PFKFB3: variants seen among roughly 807,000 people sequenced by gnomAD.
The protein encoded by PFKFB3 is 6-phosphofructo-2-kinase/fructose-2,6-bisphosphatase 3.
A neutral mutation model predicts 68.0 loss-of-function variants in PFKFB3; 33 were observed. That is an observed-to-expected ratio of 0.49 (90% CI 0.37 to 0.65). The LOEUF (loss-of-function observed/expected upper bound fraction) is 0.65, where lower values mean the gene tolerates loss of function less well. PFKFB3 is among the 30% of genes least tolerant of loss of function. The pLI is 0.00. For synonymous variants in PFKFB3, 315 were observed against 288.2 expected (o/e 1.09, Z -0.94); for missense variants, 586 against 712.2 (o/e 0.82, Z 2.02).
chr10:6,194,680 A>G (rs1843126995), intron 1 of PFKFB3, among the ~76,000 whole-genome samples: 1 of 151,926 alleles, frequency 6.6e-6, no homozygotes, highest in Admixed American at 6.6e-5. Context: ...GGATCCCAGG[A>G]CTCTTCAACA....
the PFKFB3 span, among the ~76,000 whole-genome samples, chr10:6,273,390 G>A: frequency 2.6e-5 from 4 of 152,072 alleles, no homozygotes; most frequent in South Asian, 2.1e-4. Flanking sequence ...TCCCGAGAAC[G>A]CCTGCTCTTT....
At chr10:6,309,816 G>A in the PFKFB3 span, among the ~76,000 whole-genome samples, 2 of 152,046 alleles carry the variant, frequency 1.3e-5, no homozygotes, top group East Asian at 1.9e-4. Flanking sequence ...TGCAGAGACC[G>A]GGTGATGGGT....
chr10:6,314,058 C>A, the PFKFB3 span, among the ~76,000 whole-genome samples: 2 of 152,326 alleles, frequency 1.3e-5, no homozygotes, highest in East Asian at 3.9e-4. Flanking sequence ...GACATCAAAG[C>A]AAGGGCAGTC....
chr10:6,226,409 G>T (rs367836321), intron 14 of PFKFB3, 44 bp downstream of exon 14: 1 of 1,548,538 alleles, frequency 6.5e-7, no homozygotes, highest in African/African-American at 1.4e-5. Context: ...GACGCATGCC[G>T]GGCGTGATGC....
the PFKFB3 span, among the ~76,000 whole-genome samples, chr10:6,265,374 C>G: frequency 6.6e-6 from 1 of 152,146 alleles, no homozygotes; most frequent in Non-Finnish European, 1.5e-5. Context: ...AGCCACCGCC[C>G]CTCACCTAAT....
At chr10:6,256,461 C>T (rs529909804), downstream of PFKFB3, among the ~76,000 whole-genome samples, 3 of 152,276 alleles carry the variant, frequency 2.0e-5, no homozygotes, top group East Asian at 5.8e-4. Context: ...TACATGGTCC[C>T]CAGCTGGTCC....
At chr10:6,210,103 G>A (rs977326047) in intron 1 of PFKFB3, among the ~76,000 whole-genome samples, 2 of 120,548 alleles carry the variant, frequency 1.7e-5, no homozygotes, top group African/African-American at 5.2e-5. Context: ...GTGATGAGGC[G>A]GGTGGGGGGT....
At chr10:6,163,801 C>G (rs1159607369) in intron 1 of PFKFB3, 1 of 151,756 alleles carries the variant, frequency 6.6e-6, no homozygotes, top group Non-Finnish European at 1.5e-5. Context: ...TGCGGCACGC[C>G]GCGTTCACGT....
chr10:6,326,423 G>A, the PFKFB3 span: 3 of 407,156 alleles, frequency 7.4e-6, no homozygotes, highest in Non-Finnish European at 1.5e-5. Context: ...TGCACATCCT[G>A]CACATGTACC....
At chr10:6,296,865 G>A in the PFKFB3 span, among the ~76,000 whole-genome samples, 3 of 152,096 alleles carry the variant, frequency 2.0e-5, no homozygotes, top group African/African-American at 4.8e-5. Flanking sequence ...ATCTTGTGCC[G>A]ACTTCCTATG....
chr10:6,295,101 G>A, the PFKFB3 span, among the ~76,000 whole-genome samples: 1 of 152,106 alleles, frequency 6.6e-6, no homozygotes, highest in African/African-American at 2.4e-5. Flanking sequence ...TGTGTTCACT[G>A]TTTGCTGTAG....
chr10:6,308,237 G>C, the PFKFB3 span, among the ~76,000 whole-genome samples: 1 of 152,234 alleles, frequency 6.6e-6, no homozygotes, highest in Non-Finnish European at 1.5e-5. Flanking sequence ...GGAAGGCCAG[G>C]TGCGGTGGCT....
At chr10:6,196,593 C>A (rs1482547284) in intron 1 of PFKFB3, among the ~76,000 whole-genome samples, 1 of 152,154 alleles carries the variant, frequency 6.6e-6, no homozygotes, top group South Asian at 2.1e-4. Flanking sequence ...AAGCATTCAG[C>A]ACAGGAGAAA....
In PFKFB3 at chr10:6,213,756, T is replaced by G. The variant is rs756906648; in HGVS notation, c.202+8T>G. The G allele has an allele frequency of 3.7e-6, 6 of 1,611,046 alleles. No homozygotes were observed. The highest frequency in any genetic ancestry group is 3.4e-6 in the Non-Finnish European group (4 of 1,178,776). ...TTGGCGTCCCCACAAAAGGTGAGAC[T>G]GGGTCTCGAGGCCGGACCCCTGCTC... On this transcript the variant is annotated splice_region_variant and intron_variant, in intron 2 of 14. Coordinates refer to ENST00000379775, the MANE Select transcript of PFKFB3 (RefSeq NM_004566.4).
At position 6,154,089 on chromosome 10, in the gene PFKFB3, G is replaced by A. The variant is rs551995603; in HGVS notation, c.16+9076G>A. On this transcript the variant is annotated intron_variant, in intron 1 of 14. Transcript: ENST00000379789. The surrounding 1 kb of genome is among the most constrained non-coding windows in gnomAD (Gnocchi z 4.6). ...CAGGAGGAACCTGCGGGCCAGCACC[G>A]CTTCTGCAGGGTGAGAGGGTGGAAG... Among the ~76,000 whole-genome samples, 22 of 152,268 alleles carry A rather than the reference G, an allele frequency of 1.4e-4. No individual in the cohort carries two copies. In the East Asian group the frequency reaches 2.1e-3, roughly 15 times the overall value.
intron 1 of PFKFB3, among the ~76,000 whole-genome samples, chr10:6,174,631 G>T (rs1276534630): frequency 3.3e-5 from 5 of 152,284 alleles, no homozygotes; most frequent in South Asian, 4.1e-4. Flanking sequence ...AGTGACTGGC[G>T]CAGGGTGAGA....
intron 1 of PFKFB3, among the ~76,000 whole-genome samples, chr10:6,206,460 C>T (rs1843698230): frequency 1.6e-5 from 2 of 121,590 alleles, no homozygotes; most frequent in African/African-American, 6.8e-5. Context: ...TCTCAATGAG[C>T]TGTTGGGTAC....
At chr10:6,158,472 A>T (rs1407154464) in intron 1 of PFKFB3, among the ~76,000 whole-genome samples, 1 of 152,192 alleles carries the variant, frequency 6.6e-6, no homozygotes, top group African/African-American at 2.4e-5. Flanking sequence ...GTGTTGACAG[A>T]ATGTGGACCA....
intron 13 of PFKFB3, chr10:6,225,151 C>G (rs1232877830): frequency 6.6e-6 from 3 of 456,180 alleles, no homozygotes; most frequent in Non-Finnish European, 1.3e-5. Flanking sequence ...TTTGAATTCA[C>G]CGTGTACAGG....
Sources: allele counts gnomAD v4.1 joint callset (sites outside exome capture counted in the v4.1 genomes callset), GRCh38; gene constraint gnomAD v4.1.1; non-coding constraint Gnocchi (gnomAD v3.1); transcripts MANE v1.5; gene names NCBI Gene and HGNC (gene_info 2026-07-23, HGNC 2026-07-21).